The following CRABP1 variants were observed in gnomAD, a reference collection of about 807,000 sequenced individuals.
CRABP1 encodes cellular retinoic acid binding protein 1.
In CRABP1, 9 loss-of-function variants were observed where a neutral mutation model predicts 16.4. The observed-to-expected ratio is 0.55, with a 90% CI of 0.33 to 0.96. The LOEUF (loss-of-function observed/expected upper bound fraction) is 0.96, where lower values mean the gene tolerates loss of function less well. Ranked by LOEUF, CRABP1 falls within the 40% of genes least tolerant of loss-of-function variation. The probability of loss-of-function intolerance (pLI) is 0.03; values close to 1 mark genes in which losing one functional copy is unlikely to be tolerated. For synonymous variants in CRABP1, 72 were observed against 70.4 expected, an observed-to-expected ratio of 1.02 and a Z score of -0.11; for missense variants, 157 against 186.0, an observed-to-expected ratio of 0.84 and a Z score of 0.91.
chr15:78,348,125 A>G lies in CRABP1; in HGVS notation c.*148A>G, dbSNP rs928169261. On this transcript the variant is annotated 3_prime_UTR_variant, in exon 4 of 4. Coordinates refer to ENST00000299529, the MANE Select transcript of CRABP1 (RefSeq NM_004378.3). ...CCATGACAATGTTGTAGTGTCCCCCACCCCCACCCCCCAGGCCTTGGTGCC... is the reference window on the plus strand; with the variant it reads ...CCATGACAATGTTGTAGTGTCCCCCGCCCCCACCCCCCAGGCCTTGGTGCC... The G allele has an allele frequency of 3.2e-6, 2 of 620,230 alleles. No homozygotes were observed. Among genetic ancestry groups the G allele is most frequent in the Admixed American group, 6.9e-5 (2 of 29,022 alleles). The allele number at this position is 620,230 out of a possible 1,614,324, so 38.4% of individuals were successfully genotyped here.
Position 78,340,913 on chromosome 15 carries a change from G to C in CRABP1, c.71-130G>C, listed in dbSNP as rs1595954605. On this transcript the variant is annotated intron_variant, in intron 1 of 3. Transcript: ENST00000299529. ...CTCAGTCTCTCATCTCGAAAACAAG[G>C]GCGAGGGCAGGGAAACGAGTGGATC... 11 of 944,078 alleles carry C rather than the reference G, an allele frequency of 1.2e-5. No individual in the cohort carries two copies. In the East Asian group the frequency reaches 2.9e-4, roughly 25 times the overall value. 58.5% of individuals were successfully genotyped at this position (944,078 alleles called of 1,614,324 possible).
At chr15:78,340,659 T>A (rs1157615990) in intron 1 of CRABP1, 161 bp downstream of exon 1, 3 of 801,832 alleles carry the variant, frequency 3.7e-6, no homozygotes, top group Non-Finnish European at 5.8e-6. Flanking sequence ...GCACCGGGTC[T>A]CGGAGAAGCT....
chr15:78,346,014 T>C (rs2050263142), intron 3 of CRABP1, among the ~76,000 whole-genome samples: 1 of 152,168 alleles, frequency 6.6e-6, no homozygotes, highest in Non-Finnish European at 1.5e-5. Flanking sequence ...GTTTGCAGGC[T>C]GAGAAGGGCG....
chr15:78,348,044 T>C lies in CRABP1; in HGVS notation c.*67T>C. The stretch of plus-strand genomic sequence containing the variant: ...TCCCCTGAGGAATATGTCATAGTTC[T>C]GAGCTGCCAGTGGACCGCCCTTTTC... On this transcript the variant is annotated 3_prime_UTR_variant, in exon 4 of 4. Coordinates refer to ENST00000299529, the MANE Select transcript of CRABP1 (RefSeq NM_004378.3). The C allele has an allele frequency of 6.6e-7, 1 of 1,508,528 alleles. No homozygotes were observed. The highest frequency in any genetic ancestry group is 9.2e-7 in the Non-Finnish European group (1 of 1,092,696). 93.4% of individuals were successfully genotyped at this position (1,508,528 alleles called of 1,614,324 possible). A position where few individuals can be genotyped will look rare whatever the true frequency, so the allele number is the denominator to read the frequency against.
intron 1 of CRABP1, 106 bp downstream of exon 1, chr15:78,340,604 G>T (rs1180063504): frequency 1.6e-6 from 2 of 1,282,108 alleles, no homozygotes; most frequent in East Asian, 5.2e-5. Context: ...GGGAGCCCAG[G>T]CAGGAGGGAG....
chr15:78,343,493 C>T lies in CRABP1; in HGVS notation c.250-6C>T, dbSNP rs755971227. On this transcript the variant is annotated splice_region_variant and splice_polypyrimidine_tract_variant and intron_variant, in intron 2 of 3. Transcript: ENST00000299529. ...TTAATGTCACTAATGGTTTTCCCGC[C>T]TGCAGAGTTTAGCCACTTGGGAGAA... is the stretch of plus-strand genomic sequence containing the variant. 12 of 1,611,784 alleles carry T rather than the reference C, an allele frequency of 7.4e-6. No homozygotes were observed. In the African/African-American group the frequency reaches 1.6e-4, roughly 22 times the overall value.
chr15:78,340,355 T>C lies in CRABP1; in HGVS notation c.-74T>C, dbSNP rs2050224434. ...CGCAGCGCTGGGCGCAAAGCGCCAG[T>C]CTCCGCCTTGCGAGCTCAGAGTGTG... On this transcript the variant is annotated 5_prime_UTR_variant, in exon 1 of 4. Transcript: ENST00000299529. The C allele has an allele frequency of 1.3e-6, 2 of 1,524,492 alleles. No individual in the cohort carries two copies. The highest frequency in any genetic ancestry group is 4.0e-5 in the Admixed American group (2 of 50,078). 94.4% of individuals were successfully genotyped at this position (1,524,492 alleles called of 1,614,324 possible). A position where few individuals can be genotyped will look rare whatever the true frequency, so the allele number is the denominator to read the frequency against.
intron 1 of CRABP1, 39 bp downstream of exon 1, chr15:78,340,537 C>T: frequency 2.5e-6 from 4 of 1,590,004 alleles, no homozygotes; most frequent in Non-Finnish European, 3.4e-6. Context: ...CGGGGAGATG[C>T]GGCCCGGAGG....
intron 3 of CRABP1, among the ~76,000 whole-genome samples, chr15:78,346,536 G>T (rs1018280413): frequency 1.3e-5 from 2 of 152,228 alleles, no homozygotes; most frequent in East Asian, 3.8e-4. Context: ...GGGCATGGTG[G>T]TGTATGCCTG....
intron 3 of CRABP1, among the ~76,000 whole-genome samples, chr15:78,347,245 T>C (rs2050271596): frequency 6.6e-6 from 1 of 152,166 alleles, no homozygotes; most frequent in African/African-American, 2.4e-5. Context: ...GATCATCTTG[T>C]CAACTCCACC....
At position 78,341,091 on chromosome 15, in the gene CRABP1, C is replaced by T. The variant is rs766123507; in HGVS notation, c.119C>T (p.Pro40Leu). ...RKVAVAAASKPHVEIRQDGDQ... is the reference protein window; with the variant it reads ...RKVAVAAASKLHVEIRQDGDQ... The stretch of plus-strand genomic sequence containing the variant: ...GTGGCCGTAGCGGCTGCGTCCAAGC[C>T]GCACGTGGAGATCCGCCAGGACGGG... Residue 40 changes from proline (P) to leucine (L), a missense_variant, in exon 2 of 4, where the codon CCG becomes CTG. Pro to Leu is a moderately conservative substitution (Grantham distance 98, BLOSUM62 -3). Transcript: ENST00000299529. The surrounding 1 kb of genome is among the most constrained non-coding windows in gnomAD (Gnocchi z 5.3). The T allele has an allele frequency of 6.2e-7, 1 of 1,612,244 alleles. No homozygotes were observed. The highest frequency in any genetic ancestry group is 1.3e-5 in the African/African-American group (1 of 74,904).
chr15:78,347,757 A>G, intron 3 of CRABP1, 170 bp from the exon 4 acceptor site: 1 of 645,162 alleles, frequency 1.5e-6, no homozygotes, highest in Non-Finnish European at 2.7e-6. Flanking sequence ...ATAGCGCTTA[A>G]GGGGGAAAAA....
chr15:78,345,793 G>C (rs955548023), intron 3 of CRABP1, among the ~76,000 whole-genome samples: 2 of 152,144 alleles, frequency 1.3e-5, no homozygotes, highest in Non-Finnish European at 2.9e-5. Context: ...TGTTTCAAGG[G>C]TTATTATCAT....
In CRABP1 at chr15:78,340,460, G is replaced by A; in HGVS notation, c.32G>A (p.Arg11His). The A allele has an allele frequency of 6.2e-7, 1 of 1,605,982 alleles. No individual in the cohort carries two copies. Among genetic ancestry groups the A allele is most frequent in the Admixed American group, 1.7e-5 (1 of 59,096 alleles). ...AACTTCGCCGGCACCTGGAAGATGCGCAGCAGCGAGAATTTCGACGAGCTG... is the reference window on the plus strand; with the variant it reads ...AACTTCGCCGGCACCTGGAAGATGCACAGCAGCGAGAATTTCGACGAGCTG... MPNFAGTWKM[R>H]SSENFDELLK... Residue 11 changes from arginine to histidine, a missense_variant, in exon 1 of 4, where the codon CGC (arginine) becomes CAC (histidine). Arg to His is a conservative substitution (Grantham distance 29). Coordinates refer to ENST00000299529, the MANE Select transcript of CRABP1 (RefSeq NM_004378.3).
rs1481231525 is a variant in CRABP1, at chr15:78,343,577, T to C, written c.328T>C (p.Trp110Arg). ...TGAAGGGGACGGCCCCAAAACCTAC[T>C]GGACCCGTGAGCTGGCCAACGATGA... is the stretch of plus-strand genomic sequence containing the variant. Reference protein sequence around the residue: ...LLEGDGPKTYWTRELANDELI... With the variant: ...LLEGDGPKTYRTRELANDELI... The change falls in exon 3 of 4, where the codon TGG (tryptophan) becomes CGG (arginine). Residue 110 changes from tryptophan to arginine, a missense_variant. Transcript: ENST00000299529. 6.2e-7 allele frequency: 1 copy of C among 1,614,202 alleles called. No individual in the cohort carries two copies. The highest frequency in any genetic ancestry group is 8.5e-7 in the Non-Finnish European group (1 of 1,180,030).
In CRABP1 at chr15:78,341,127, A is replaced by G. The variant is rs939241713; in HGVS notation, c.155A>G (p.Tyr52Cys). 2 of 1,612,942 alleles carry G rather than the reference A, an allele frequency of 1.2e-6. No homozygotes were observed. Among genetic ancestry groups the G allele is most frequent in the African/African-American group, 2.7e-5 (2 of 74,918 alleles). Reference protein sequence around the residue: ...VEIRQDGDQFYIKTSTTVRTT... With the variant: ...VEIRQDGDQFCIKTSTTVRTT... ...ATCCGCCAGGACGGGGATCAGTTCT[A>G]CATCAAGACATCCACCACGGTGCGC... Residue 52 changes from tyrosine (Y) to cysteine (C), a missense_variant, in exon 2 of 4, where the codon TAC becomes TGC. Coordinates refer to ENST00000299529, the MANE Select transcript of CRABP1 (RefSeq NM_004378.3). This position sits in a 1 kb window ranked among gnomAD's most constrained non-coding sequence, Gnocchi z 5.3.
chr15:78,346,950 G>C (rs980594805), intron 3 of CRABP1, among the ~76,000 whole-genome samples: 1 of 151,536 alleles, frequency 6.6e-6, no homozygotes, highest in African/African-American at 2.4e-5. Context: ...ACTCACATCA[G>C]GTTTACAGAC....
At chr15:78,342,662 C>T (rs527542083) in intron 2 of CRABP1, among the ~76,000 whole-genome samples, 68 of 152,188 alleles carry the variant, frequency 4.5e-4, no homozygotes, top group Non-Finnish European at 7.2e-4. Context: ...GGGATGTAAC[C>T]GGGAAAGTGG....
intron 3 of CRABP1, 28 bp from the exon 4 acceptor site, chr15:78,347,899 T>A: frequency 6.2e-7 from 1 of 1,613,426 alleles, no homozygotes; most frequent in Non-Finnish European, 8.5e-7. Flanking sequence ...TCTGCACTGA[T>A]TGGTTTTCCT....
Sources: gnomAD v4.1 joint callset for allele counts (sites outside exome capture counted in the v4.1 genomes callset) on GRCh38, gnomAD v4.1.1 for gene constraint, Gnocchi (gnomAD v3.1) non-coding constraint, MANE v1.5 for transcripts, NCBI Gene and HGNC (gene_info 2026-07-23, HGNC 2026-07-21) for gene names.